ANXA8: variants seen among roughly 807,000 people sequenced by gnomAD.
The protein encoded by ANXA8 is annexin A8.
Under a neutral mutation model 26.8 loss-of-function variants are expected in ANXA8, and 9 were observed. The ratio of observed to expected loss-of-function variants is 0.34; its 90% CI spans 0.20 to 0.59. ANXA8 has a LOEUF of 0.59. Ranked by LOEUF, ANXA8 falls within the 20% of genes least tolerant of loss-of-function variation. The pLI is 0.84. For synonymous variants in ANXA8, 39 were observed against 94.8 expected, an observed-to-expected ratio of 0.41 and a Z score of 3.42; for missense variants, 83 against 238.5, an observed-to-expected ratio of 0.35 and a Z score of 4.29.
the ANXA8 span, among the ~76,000 whole-genome samples, chr10:47,898,841 T>TTTTTTTTC: frequency 7.3e-6 from 1 of 136,690 alleles, no homozygotes; most frequent in Non-Finnish European, 1.5e-5. Context: ...TTTTTTTTTT[T>TTTTTTTTC]TAGATGTGGT....
chr10:47,733,097 C>T, the ANXA8 span, among the ~76,000 whole-genome samples: 1 of 151,894 alleles, frequency 6.6e-6, no homozygotes, highest in Non-Finnish European at 1.5e-5. Flanking sequence ...GCTTAAGGCA[C>T]AGTTGAATCC....
chr10:47,527,912 T>C, the ANXA8 span, among the ~76,000 whole-genome samples: 1 of 149,160 alleles, frequency 6.7e-6, no homozygotes, highest in African/African-American at 2.5e-5. Context: ...GAAGAACTAA[T>C]GCAGAAGGGC....
At chr10:47,546,928 C>G in the ANXA8 span, among the ~76,000 whole-genome samples, 1 of 118,838 alleles carries the variant, frequency 8.4e-6, no homozygotes, top group Non-Finnish European at 1.7e-5. Flanking sequence ...TGTAGGAAAG[C>G]ACAGCTGCCA....
chr10:47,580,761 A>C, the ANXA8 span, among the ~76,000 whole-genome samples: 13 of 144,058 alleles, frequency 9.0e-5, no homozygotes, highest in Admixed American at 2.7e-4. Context: ...AACAAAAAAA[A>C]AAAACAAAAA....
chr10:47,670,405 G>C, the ANXA8 span, among the ~76,000 whole-genome samples: 2 of 152,004 alleles, frequency 1.3e-5, no homozygotes, highest in Non-Finnish European at 2.9e-5. Flanking sequence ...ATCATATATG[G>C]TAATTCTGTC....
chr10:47,675,499 G>A, the ANXA8 span, among the ~76,000 whole-genome samples: 4 of 151,878 alleles, frequency 2.6e-5, no homozygotes, highest in African/African-American at 7.3e-5. Flanking sequence ...CAAGTGAAAG[G>A]CTTGATCTCA....
chr10:47,580,367 T>G, the ANXA8 span, among the ~76,000 whole-genome samples: 1 of 152,206 alleles, frequency 6.6e-6, no homozygotes, highest in Non-Finnish European at 1.5e-5. Context: ...TCCTCTCAAG[T>G]GCATATGGAA....
At chr10:47,771,529 T>A in the ANXA8 span, among the ~76,000 whole-genome samples, 1 of 151,806 alleles carries the variant, frequency 6.6e-6, no homozygotes, top group East Asian at 1.9e-4. Flanking sequence ...TCATTCTTTT[T>A]AAAAAATTAT....
chr10:47,610,764 C>T, the ANXA8 span, among the ~76,000 whole-genome samples: 1 of 146,482 alleles, frequency 6.8e-6, no homozygotes, highest in Non-Finnish European at 1.5e-5. Flanking sequence ...ATGAATTATT[C>T]TGTAGATTGA....
the ANXA8 span, among the ~76,000 whole-genome samples, chr10:47,928,746 C>CTT: frequency 0.025 from 2,476 of 100,036 alleles, 4 homozygotes; most frequent in South Asian, 0.042. Flanking sequence ...CTTTCTCTCT[C>CTT]TCTCTTTTTT....
At chr10:47,751,226 A>T in the ANXA8 span, 2 of 149,516 alleles carry the variant, frequency 1.3e-5, no homozygotes, top group Non-Finnish European at 3.0e-5. Context: ...TGCAATTTGT[A>T]TACCAATTTT....
chr10:47,651,048 C>A, the ANXA8 span, among the ~76,000 whole-genome samples: 1 of 151,152 alleles, frequency 6.6e-6, no homozygotes, highest in African/African-American at 2.4e-5. Context: ...GCCTGGGCAA[C>A]ATAGGGAGAT....
chr10:47,683,094 C>T, the ANXA8 span, among the ~76,000 whole-genome samples: 10 of 151,972 alleles, frequency 6.6e-5, no homozygotes, highest in Non-Finnish European at 1.3e-4. Context: ...ACTAAATGAG[C>T]GATAGCTTTA....
At chr10:47,559,142 CTTTTTTTTTTTT>C in the ANXA8 span, among the ~76,000 whole-genome samples, 4 of 73,312 alleles carry the variant, frequency 5.5e-5, no homozygotes, top group Non-Finnish European at 1.0e-4. Flanking sequence ...TGGAGTCTTA[CTTTTTTTTTTTT>C]TTTTTTTTTT....
At chr10:47,682,540 G>A in the ANXA8 span, among the ~76,000 whole-genome samples, 1 of 150,008 alleles carries the variant, frequency 6.7e-6, no homozygotes, top group Non-Finnish European at 1.5e-5. Context: ...CGCGATCTTG[G>A]CTCACTGCAA....
At chr10:47,488,179 A>G (rs1840079661), upstream of ANXA8, among the ~76,000 whole-genome samples, 1 of 130,770 alleles carries the variant, frequency 7.6e-6, no homozygotes, top group Admixed American at 8.0e-5. Flanking sequence ...TGTGAGAAAT[A>G]AATTTCTGTT....
chr10:47,624,242 C>CAAAAAAAAAAA, the ANXA8 span, among the ~76,000 whole-genome samples: 1 of 29,214 alleles, frequency 3.4e-5, no homozygotes, highest in Non-Finnish European at 6.3e-5. Context: ...GACTCCATCT[C>CAAAAAAAAAAA]AAAAAAAAAA....
At chr10:47,969,765 G>C in the ANXA8 span, among the ~76,000 whole-genome samples, 1 of 150,392 alleles carries the variant, frequency 6.6e-6, no homozygotes, top group Non-Finnish European at 1.5e-5. Flanking sequence ...GCCTAGGCTG[G>C]AGTAGGGTGG....
chr10:47,649,313 G>A, the ANXA8 span, among the ~76,000 whole-genome samples: 1 of 151,460 alleles, frequency 6.6e-6, no homozygotes, highest in Non-Finnish European at 1.5e-5. Flanking sequence ...TCCTCACAAA[G>A]GACACTATTC....
Sources: allele counts gnomAD v4.1 joint callset (sites outside exome capture counted in the v4.1 genomes callset), GRCh38; gene constraint gnomAD v4.1.1; transcripts MANE v1.5; gene names NCBI Gene and HGNC (gene_info 2026-07-23, HGNC 2026-07-21).